NKAIN2: variants seen among roughly 807,000 people sequenced by gnomAD.
The protein encoded by NKAIN2 is sodium/potassium-transporting ATPase subunit beta-1-interacting protein 2.
In NKAIN2, 14 loss-of-function variants were observed where a neutral mutation model predicts 32.6. The ratio of observed to expected loss-of-function variants is 0.43; its 90% CI spans 0.28 to 0.67. The LOEUF (loss-of-function observed/expected upper bound fraction) is 0.67. Among genes scored for constraint, NKAIN2 ranks in the 30% least tolerant of loss-of-function variants. The pLI is 0.17. For synonymous variants in NKAIN2, 80 were observed against 87.2 expected (o/e 0.92, Z 0.46); for missense variants, 198 against 258.3 (o/e 0.77, Z 1.60).
At chr6:123,999,480 A>C (rs547617389) in intron 1 of NKAIN2, among the ~76,000 whole-genome samples, 4 of 152,178 alleles carry the variant, frequency 2.6e-5, no homozygotes, top group Non-Finnish European at 5.9e-5. Context: ...AGTTGAGAGC[A>C]ATTGTATTTC....
chr6:123,935,954 G>A (rs1347340797), intron 1 of NKAIN2, among the ~76,000 whole-genome samples: 2 of 152,068 alleles, frequency 1.3e-5, no homozygotes, highest in African/African-American at 2.4e-5. Flanking sequence ...AAGCATAAAA[G>A]AATAAAAAGA....
At chr6:124,402,277 A>T (rs535000162) in intron 3 of NKAIN2, among the ~76,000 whole-genome samples, 3 of 152,292 alleles carry the variant, frequency 2.0e-5, no homozygotes, top group African/African-American at 7.2e-5. Context: ...ATAGAAGTCG[A>T]TAAATCTATA....
chr6:124,039,573 CTTAT>C lies in NKAIN2; in HGVS notation c.54+235325_54+235328del, dbSNP rs1187826048. ...GTTTTTGCTTATATTCAATCGTTTACTTATTTATTCAGTGAATATCTATTGACTG... is the reference window on the plus strand; with the variant it reads ...GTTTTTGCTTATATTCAATCGTTTACTTATTCAGTGAATATCTATTGACTG... On this transcript the variant is annotated intron_variant, in intron 1 of 6. Transcript: ENST00000368417. 5.9e-5 allele frequency among the ~76,000 whole-genome samples: 9 copies of C among 151,866 alleles called. No individual in the cohort carries two copies. In the East Asian group the frequency reaches 1.6e-3, roughly 26 times the overall value.
At chr6:124,410,870 G>T (rs1392684272) in intron 3 of NKAIN2, among the ~76,000 whole-genome samples, 1 of 152,126 alleles carries the variant, frequency 6.6e-6, no homozygotes. Context: ...ATGTGCTCCT[G>T]TATTGGGTGC....
intron 4 of NKAIN2, among the ~76,000 whole-genome samples, chr6:124,773,283 G>T (rs539810350): frequency 4.3e-4 from 65 of 152,226 alleles, no homozygotes; most frequent in African/African-American, 1.4e-3. Context: ...CAACAAGCCT[G>T]GCAGCAAATG....
At chr6:124,200,584 A>T (rs964613554) in intron 1 of NKAIN2, among the ~76,000 whole-genome samples, 9 of 152,022 alleles carry the variant, frequency 5.9e-5, no homozygotes, top group Non-Finnish European at 1.3e-4. Context: ...ATCACCTACC[A>T]CTTCATGAGT....
chr6:124,302,144 T>C (rs1796316181), intron 2 of NKAIN2, among the ~76,000 whole-genome samples: 1 of 152,214 alleles, frequency 6.6e-6, no homozygotes, highest in Admixed American at 6.5e-5. Context: ...GTTTTTATAA[T>C]GGGAGTTCCC....
At chr6:123,925,149 A>G (rs1775950604) in intron 1 of NKAIN2, among the ~76,000 whole-genome samples, 1 of 152,184 alleles carries the variant, frequency 6.6e-6, no homozygotes, top group African/African-American at 2.4e-5. Flanking sequence ...GCTTATATGA[A>G]GTACACATTT....
intron 3 of NKAIN2, among the ~76,000 whole-genome samples, chr6:124,426,357 C>A (rs1270554499): frequency 6.6e-6 from 1 of 152,150 alleles, no homozygotes; most frequent in Non-Finnish European, 1.5e-5. Flanking sequence ...ACTAAAACTT[C>A]TGTTCTTCAA....
chr6:123,942,715 C>T (rs866138679), intron 1 of NKAIN2, among the ~76,000 whole-genome samples: 7 of 151,926 alleles, frequency 4.6e-5, no homozygotes, highest in East Asian at 1.9e-4. Context: ...ACTATGAAGG[C>T]GATTTCAAGG....
At chr6:124,460,092 G>T (rs1312468794) in intron 3 of NKAIN2, among the ~76,000 whole-genome samples, 1 of 151,596 alleles carries the variant, frequency 6.6e-6, no homozygotes, top group African/African-American at 2.4e-5. Flanking sequence ...CAGAGCTATG[G>T]TAGATCAAAA....
At chr6:124,534,410 C>G (rs906684528) in intron 3 of NKAIN2, among the ~76,000 whole-genome samples, 5 of 152,190 alleles carry the variant, frequency 3.3e-5, no homozygotes, top group Non-Finnish European at 7.3e-5. Flanking sequence ...CTTGGCCTCC[C>G]AAAGTGCTGG....
intron 1 of NKAIN2, among the ~76,000 whole-genome samples, chr6:123,842,609 C>T (rs1392390445): frequency 6.6e-6 from 1 of 151,968 alleles, no homozygotes; most frequent in East Asian, 1.9e-4. Flanking sequence ...TTCTTAAGAA[C>T]TTTACAACTT....
chr6:124,221,382 A>G (rs1478594073), intron 1 of NKAIN2, among the ~76,000 whole-genome samples: 1 of 135,390 alleles, frequency 7.4e-6, no homozygotes, highest in Non-Finnish European at 1.5e-5. Flanking sequence ...CAGGGAGGGG[A>G]ACATCACACT....
chr6:124,115,957 A>G (rs1248776629), intron 1 of NKAIN2, among the ~76,000 whole-genome samples: 1 of 152,036 alleles, frequency 6.6e-6, no homozygotes, highest in East Asian at 1.9e-4. Context: ...CTACAAAAAT[A>G]TATTTTTGAA....
At chr6:124,060,561 C>A (rs189053269) in intron 1 of NKAIN2, among the ~76,000 whole-genome samples, 1 of 152,098 alleles carries the variant, frequency 6.6e-6, no homozygotes, top group East Asian at 1.9e-4. Flanking sequence ...TTCACAGTTT[C>A]CAGAAACAGA....
At chr6:124,424,453 C>A (rs528802422) in intron 3 of NKAIN2, among the ~76,000 whole-genome samples, 9 of 66,036 alleles carry the variant, frequency 1.4e-4, no homozygotes, top group African/African-American at 4.3e-4. Context: ...TTCAAACATA[C>A]AACACAGTAT....
intron 3 of NKAIN2, among the ~76,000 whole-genome samples, chr6:124,573,703 T>C (rs1326740083): frequency 6.6e-6 from 1 of 152,160 alleles, no homozygotes; most frequent in African/African-American, 2.4e-5. Context: ...CCAGGCATAA[T>C]ATGTAAAGCA....
At position 124,787,204 on chromosome 6, in the gene NKAIN2, T is replaced by C. The variant is rs1205828459; in HGVS notation, c.475-4135T>C. ...ATTAGTTGTTTTTCCTGATGGATAT[T>C]AACTCATTCTTTAAGGTCAGCTTAA... On this transcript the variant is annotated intron_variant, in intron 4 of 6. Transcript: ENST00000368417. Among the ~76,000 whole-genome samples, 3 of 152,136 alleles carry C rather than the reference T, an allele frequency of 2.0e-5. No individual in the cohort carries two copies. In the East Asian group the frequency reaches 5.8e-4, roughly 29 times the overall value.
Sources: gnomAD v4.1 joint callset for allele counts (sites outside exome capture counted in the v4.1 genomes callset) on GRCh38, gnomAD v4.1.1 for gene constraint, MANE v1.5 for transcripts, NCBI Gene and HGNC (gene_info 2026-07-23, HGNC 2026-07-21) for gene names.